Variants in CTDSPL observed in about 807,000 individuals in gnomAD.
The protein encoded by CTDSPL is CTD small phosphatase-like protein.
In CTDSPL, 8 loss-of-function variants were observed where a neutral mutation model predicts 30.5. The observed-to-expected ratio is 0.26, with a 90% CI of 0.15 to 0.47. The LOEUF (loss-of-function observed/expected upper bound fraction) is 0.47. Among genes scored for constraint, CTDSPL ranks in the 20% least tolerant of loss-of-function variants. CTDSPL has a pLI of 0.99. For synonymous variants in CTDSPL, 110 were observed against 137.9 expected (o/e 0.80, Z 1.42); for missense variants, 248 against 366.1 (o/e 0.68, Z 2.63).
At chr3:37,866,929 T>TG (rs1698016920) in intron 1 of CTDSPL, among the ~76,000 whole-genome samples, 1 of 152,242 alleles carries the variant, frequency 6.6e-6, no homozygotes, top group Non-Finnish European at 1.5e-5. Flanking sequence ...TAAATTTACA[T>TG]GCAGTTTTAA....
intron 1 of CTDSPL, among the ~76,000 whole-genome samples, chr3:37,932,141 G>T (rs1416822539): frequency 2.0e-5 from 3 of 152,070 alleles, no homozygotes; most frequent in Admixed American, 1.3e-4. Flanking sequence ...AGGATAAATT[G>T]TTCAGTAAAT....
chr3:37,876,818 TATAAC>T (rs969973229), intron 1 of CTDSPL, among the ~76,000 whole-genome samples: 3 of 151,910 alleles, frequency 2.0e-5, no homozygotes, highest in Admixed American at 1.3e-4. Flanking sequence ...ATAAAATACA[TATAAC>T]ATTAAATTTA....
chr3:37,927,473 G>A (rs1698793314), intron 1 of CTDSPL, among the ~76,000 whole-genome samples: 1 of 152,024 alleles, frequency 6.6e-6, no homozygotes. Flanking sequence ...CTGGTCCCAA[G>A]CATTTTGGAT....
At chr3:37,891,773 C>G (rs1469867306) in intron 1 of CTDSPL, among the ~76,000 whole-genome samples, 1 of 152,160 alleles carries the variant, frequency 6.6e-6, no homozygotes, top group Non-Finnish European at 1.5e-5. Flanking sequence ...CCATCCCTCA[C>G]CCTAATTCTA....
At chr3:37,899,749 G>T (rs1246860589) in intron 1 of CTDSPL, among the ~76,000 whole-genome samples, 1 of 152,158 alleles carries the variant, frequency 6.6e-6, no homozygotes, top group Non-Finnish European at 1.5e-5. Context: ...GCATTCACAG[G>T]CTATGTAGGC....
chr3:37,868,113 A>G (rs1490088293), intron 1 of CTDSPL, among the ~76,000 whole-genome samples: 1 of 151,982 alleles, frequency 6.6e-6, no homozygotes, highest in Non-Finnish European at 1.5e-5. Context: ...CATATTAGCC[A>G]TTCTGATATG....
At chr3:37,967,919 AT>A in intron 5 of CTDSPL, 37 bp downstream of exon 5, 8 of 1,364,154 alleles carry the variant, frequency 5.9e-6, no homozygotes, top group Non-Finnish European at 8.2e-6. Context: ...TTCAATTAAG[AT>A]TTTTTAGTAC....
intron 1 of CTDSPL, among the ~76,000 whole-genome samples, chr3:37,877,622 A>G (rs1698153174): frequency 6.6e-6 from 1 of 151,984 alleles, no homozygotes; most frequent in South Asian, 2.1e-4. Context: ...ATTGCTGGAT[A>G]TGGTCATTCT....
At chr3:37,899,253 G>T (rs1203892506) in intron 1 of CTDSPL, among the ~76,000 whole-genome samples, 1 of 152,134 alleles carries the variant, frequency 6.6e-6, no homozygotes, top group African/African-American at 2.4e-5. Context: ...CTCACCTAGG[G>T]AGAGAGACTA....
At chr3:37,871,826 T>G (rs142720269) in intron 1 of CTDSPL, among the ~76,000 whole-genome samples, 1,602 of 152,330 alleles carry the variant, frequency 0.011, 34 homozygotes, top group South Asian at 0.078. Context: ...TCCCCTATGT[T>G]GTTCAGTTGG....
intron 1 of CTDSPL, among the ~76,000 whole-genome samples, chr3:37,878,395 C>T (rs187732766): frequency 2.0e-5 from 3 of 152,260 alleles, no homozygotes; most frequent in East Asian, 3.9e-4. Flanking sequence ...TATTTGCATA[C>T]GTGGATGTCC....
chr3:37,867,360 TTGAA>T (rs1387004045), intron 1 of CTDSPL, among the ~76,000 whole-genome samples: 1 of 152,188 alleles, frequency 6.6e-6, no homozygotes, highest in African/African-American at 2.4e-5. Flanking sequence ...CATTCACGCT[TTGAA>T]TGATCTGTAC....
chr3:37,975,732 C>T lies in CTDSPL; in HGVS notation c.543C>T (p.Leu181=), dbSNP rs1215286479. 3 of 1,613,880 alleles carry T rather than the reference C, an allele frequency of 1.9e-6. No individual in the cohort carries two copies. Among genetic ancestry groups the T allele is most frequent in the Non-Finnish European group, 2.5e-6 (3 of 1,179,952 alleles). ...LAKYADPVAD[L]LDRWGVFRAR... Reference sequence around the variant, plus strand: ...AGTATGCAGACCCTGTGGCTGACCTCCTAGACCGCTGGGGTGTGTTCCGGG... The same window carrying T: ...AGTATGCAGACCCTGTGGCTGACCTTCTAGACCGCTGGGGTGTGTTCCGGG... Residue 181 remains leucine, a synonymous_variant, in exon 7 of 8, where the codon CTC becomes CTT. Transcript: ENST00000273179. The surrounding 1 kb of genome is among the most constrained non-coding windows in gnomAD (Gnocchi z 4.9).
At chr3:37,898,259 G>A (rs1408766074) in intron 1 of CTDSPL, among the ~76,000 whole-genome samples, 1 of 152,208 alleles carries the variant, frequency 6.6e-6, no homozygotes, top group Non-Finnish European at 1.5e-5. Flanking sequence ...CCAGGCCCCA[G>A]TGAGAGGAGA....
At chr3:37,948,696 A>G (rs2125623214) in intron 2 of CTDSPL, among the ~76,000 whole-genome samples, 1 of 152,326 alleles carries the variant, frequency 6.6e-6, no homozygotes, top group Non-Finnish European at 1.5e-5. Flanking sequence ...ATATGGTCAA[A>G]CATACGAAAA....
chr3:37,969,125 A>G lies in CTDSPL; in HGVS notation c.426+1243A>G, dbSNP rs77665509. ...AGAAGCAGTTAAGGCTTCTGCATTT[A>G]TCATCTTGGCTTGTGTTACATAGTG... On this transcript the variant is annotated intron_variant, in intron 5 of 7. Transcript: ENST00000273179. Among the ~76,000 whole-genome samples, 193 of 152,392 alleles carry G rather than the reference A, an allele frequency of 1.3e-3. 1 individual carries two copies. The highest frequency in any genetic ancestry group is 4.4e-3 in the African/African-American group (181 of 41,590).
chr3:37,933,643 C>A (rs1427908337), intron 1 of CTDSPL, among the ~76,000 whole-genome samples: 5 of 152,190 alleles, frequency 3.3e-5, no homozygotes, highest in Non-Finnish European at 7.3e-5. Flanking sequence ...AGTTTTCTAA[C>A]TTCTCTGGGC....
chr3:37,970,226 C>T (rs1699351670), intron 5 of CTDSPL, among the ~76,000 whole-genome samples: 1 of 152,338 alleles, frequency 6.6e-6, no homozygotes, highest in Non-Finnish European at 1.5e-5. Context: ...TGGTGAACTC[C>T]TTCAAGGTCC....
At chr3:37,881,444 G>A (rs1257729472) in intron 1 of CTDSPL, among the ~76,000 whole-genome samples, 2 of 152,122 alleles carry the variant, frequency 1.3e-5, no homozygotes, top group East Asian at 1.9e-4. Context: ...CAGGAGAATC[G>A]CTTAAATGCA....
Sources: allele counts gnomAD v4.1 joint callset (sites outside exome capture counted in the v4.1 genomes callset), GRCh38; gene constraint gnomAD v4.1.1; non-coding constraint Gnocchi (gnomAD v3.1); transcripts MANE v1.5; gene names NCBI Gene and HGNC (gene_info 2026-07-23, HGNC 2026-07-21).